Variants in TOMM70 observed in about 807,000 individuals in gnomAD.
TOMM70 encodes translocase of outer mitochondrial membrane 70.
In TOMM70, 13 loss-of-function variants were observed where a neutral mutation model predicts 73.6. The observed-to-expected ratio is 0.18, with a 90% CI of 0.11 to 0.28. The LOEUF (loss-of-function observed/expected upper bound fraction) is 0.28. Ranked by LOEUF, TOMM70 falls within the 10% of genes least tolerant of loss-of-function variation. The probability of loss-of-function intolerance (pLI) is 1.00; values close to 1 mark genes in which losing one functional copy is unlikely to be tolerated. For missense variants in TOMM70, 609 were observed against 747.5 expected (o/e 0.81, Z 2.16); for synonymous variants, 257 against 271.2 (o/e 0.95, Z 0.51).
At chr3:100,365,738 A>C in intron 11 of TOMM70, 21 bp from the exon 12 acceptor site, 1 of 1,613,080 alleles carries the variant, frequency 6.2e-7, no homozygotes, top group Non-Finnish European at 8.5e-7. Flanking sequence ...AAAATTTTTA[A>C]GTCTCAGATT....
chr3:100,394,492 T>C (rs974606097), intron 1 of TOMM70, among the ~76,000 whole-genome samples: 9 of 147,820 alleles, frequency 6.1e-5, no homozygotes, highest in African/African-American at 1.7e-4. Context: ...TATTGACCAA[T>C]TGTTACTTAC....
Position 100,400,785 on chromosome 3 carries a change from G to A in TOMM70, c.165C>T (p.Ala55=). The A allele has an allele frequency of 6.4e-7, 1 of 1,559,092 alleles. No homozygotes were observed. The change falls in exon 1 of 12, where the codon GCC becomes GCT. Residue 55 remains alanine, a synonymous_variant. Coordinates refer to ENST00000284320, the MANE Select transcript of TOMM70 (RefSeq NM_014820.5). ...VGAPLLLGAG[A]IYLWSRQQRR... The stretch of plus-strand genomic sequence containing the variant: ...GTTGCTGCCGACTCCACAGGTATAT[G>A]GCACCCGCGCCCAGCAGCAGGGGTG...
chr3:100,372,805 A>T, intron 8 of TOMM70, 83 bp from the exon 9 acceptor site: 1 of 1,174,162 alleles, frequency 8.5e-7, no homozygotes, highest in Non-Finnish European at 1.2e-6. Context: ...AATTACATAA[A>T]TATTTCCAAA....
intron 1 of TOMM70, among the ~76,000 whole-genome samples, chr3:100,394,487 A>G: frequency 6.7e-6 from 1 of 149,858 alleles, no homozygotes; most frequent in Admixed American, 6.6e-5. Context: ...ATACTTATTG[A>G]CCAATTGTTA....
At chr3:100,373,486 G>T in intron 8 of TOMM70, 52 bp downstream of exon 8, 4 of 1,414,244 alleles carry the variant, frequency 2.8e-6, no homozygotes, top group South Asian at 1.3e-5. Context: ...TTTTGTTGAC[G>T]CTGGAAAATA....
Position 100,386,209 on chromosome 3 carries a change from T to C in TOMM70, c.625+9A>G. On this transcript the variant is annotated intron_variant, in intron 3 of 11. Transcript: ENST00000284320. ...TAATTTTCATATGTAAACACAAAAT[T>C]ACCCTCACCTTCTAAACATTCCTTC... 1 of 1,602,006 alleles carries C rather than the reference T, an allele frequency of 6.2e-7. No homozygotes were observed. The highest frequency in any genetic ancestry group is 1.1e-5 in the South Asian group (1 of 89,386).
chr3:100,374,894 A>G (rs1177122256), intron 7 of TOMM70, 124 bp downstream of exon 7: 1 of 1,126,500 alleles, frequency 8.9e-7, no homozygotes, highest in African/African-American at 1.6e-5. Context: ...AACCACTGTG[A>G]TACTTTGTTC....
At chr3:100,394,261 A>G (rs942645390) in intron 1 of TOMM70, among the ~76,000 whole-genome samples, 1 of 152,192 alleles carries the variant, frequency 6.6e-6, no homozygotes, top group African/African-American at 2.4e-5. Context: ...CAAAAAGCAT[A>G]TATTATACTT....
At chr3:100,371,992 A>G (rs562219315) in intron 9 of TOMM70, 1 of 152,352 alleles carries the variant, frequency 6.6e-6, no homozygotes, top group East Asian at 1.9e-4. Flanking sequence ...TTCAGCTTTA[A>G]GAAAGAAAAC....
At position 100,386,192 on chromosome 3, in the gene TOMM70, A is replaced by G. The variant is rs1706690159; in HGVS notation, c.625+26T>C. 1.9e-6 allele frequency: 3 copies of G among 1,593,548 alleles called. No homozygotes were observed. The East Asian group carries it at 6.7e-5, about 36-fold the overall frequency. ...GACTACAAAATATTAAGTAATTTTC[A>G]TATGTAAACACAAAATTACCCTCAC... On this transcript the variant is annotated intron_variant, in intron 3 of 11. Transcript: ENST00000284320.
intron 4 of TOMM70, among the ~76,000 whole-genome samples, chr3:100,383,140 T>C (rs1706651427): frequency 6.6e-6 from 1 of 152,144 alleles, no homozygotes; most frequent in Admixed American, 6.5e-5. Flanking sequence ...TGAGGTTCAA[T>C]TTATGGACTC....
At position 100,382,379 on chromosome 3, in the gene TOMM70, G is replaced by A. The variant is rs3772691; in HGVS notation, c.736-616C>T. Among the ~76,000 whole-genome samples, 41 of 152,188 alleles carry A rather than the reference G, an allele frequency of 2.7e-4. No homozygotes were observed. The East Asian group carries it at 7.9e-3, about 29-fold the overall frequency. On this transcript the variant is annotated intron_variant, in intron 4 of 11. Coordinates refer to ENST00000284320, the MANE Select transcript of TOMM70 (RefSeq NM_014820.5). ...CTTCATATTTGAAGGAATAAAAAAAGGAATTGGCTTTATAAGTAAATTATT... is the reference window on the plus strand; with the variant it reads ...CTTCATATTTGAAGGAATAAAAAAAAGAATTGGCTTTATAAGTAAATTATT...
intron 1 of TOMM70, among the ~76,000 whole-genome samples, chr3:100,398,319 G>A (rs59509062): frequency 0.11 from 16,832 of 150,390 alleles, 1,442 homozygotes; most frequent in African/African-American, 0.24. Context: ...AGGAGGCAGA[G>A]GTTGCAGTGA....
chr3:100,396,313 G>T (rs1706825199), intron 1 of TOMM70, among the ~76,000 whole-genome samples: 1 of 152,050 alleles, frequency 6.6e-6, no homozygotes, highest in African/African-American at 2.4e-5. Context: ...ACTGTAGTAG[G>T]CTGGCTTAGA....
chr3:100,395,013 G>A (rs1160629639), intron 1 of TOMM70, among the ~76,000 whole-genome samples: 2 of 152,146 alleles, frequency 1.3e-5, no homozygotes, highest in Non-Finnish European at 2.9e-5. Context: ...GACTGCTTCT[G>A]CAGGATTATG....
chr3:100,369,123 G>C lies in TOMM70; in HGVS notation c.1465C>G (p.Gln489Glu), dbSNP rs1706481014. The C allele has an allele frequency of 6.2e-7, 1 of 1,612,586 alleles. No individual in the cohort carries two copies. The highest frequency in any genetic ancestry group is 1.7e-5 in the Admixed American group (1 of 59,926). The change falls in exon 10 of 12, where the codon CAA (glutamine) becomes GAA (glutamate). Residue 489 changes from glutamine to glutamate, a missense_variant. Coordinates refer to ENST00000284320, the MANE Select transcript of TOMM70 (RefSeq NM_014820.5). ...YALYAQALTD[Q>E]QQFGKADEMY... Reference sequence around the variant, plus strand: ...TCATCAGCTTTACCAAACTGTTGTTGATCTGTTAATGCCTATGTGAGGAGA... The same window carrying C: ...TCATCAGCTTTACCAAACTGTTGTTCATCTGTTAATGCCTATGTGAGGAGA...
chr3:100,380,065 G>C (rs987125284), intron 5 of TOMM70, among the ~76,000 whole-genome samples: 3 of 152,162 alleles, frequency 2.0e-5, no homozygotes, highest in African/African-American at 2.4e-5. Flanking sequence ...ACACAAACAG[G>C]CCAGGTGCAG....
At chr3:100,375,515 C>T (rs1237183917) in intron 6 of TOMM70, among the ~76,000 whole-genome samples, 1 of 152,144 alleles carries the variant, frequency 6.6e-6, no homozygotes, top group African/African-American at 2.4e-5. Flanking sequence ...TTGTGTCTGG[C>T]TTCTTTGATT....
At chr3:100,377,977 T>G in intron 5 of TOMM70, 65 bp from the exon 6 acceptor site, 2 of 1,438,314 alleles carry the variant, frequency 1.4e-6, no homozygotes, top group East Asian at 2.3e-5. Flanking sequence ...CTGGGTGTGG[T>G]GGCTCACGCC....
Sources: allele counts gnomAD v4.1 joint callset (sites outside exome capture counted in the v4.1 genomes callset), GRCh38; gene constraint gnomAD v4.1.1; transcripts MANE v1.5; gene names NCBI Gene and HGNC (gene_info 2026-07-23, HGNC 2026-07-21).